Variants in KCMF1 observed in about 807,000 individuals in gnomAD.
The protein encoded by KCMF1 is potassium channel modulatory factor 1.
In KCMF1, 3 loss-of-function variants were observed where a neutral mutation model predicts 41.1. The observed-to-expected ratio is 0.07, with a 90% confidence interval of 0.03 to 0.19. KCMF1 has a LOEUF of 0.19. KCMF1 is among the 10% of genes least tolerant of loss of function. KCMF1 has a pLI of 1.00. For missense variants in KCMF1, 286 were observed against 488.9 expected, an observed-to-expected ratio of 0.58 and a Z score of 3.91; for synonymous variants, 142 against 164.5, an observed-to-expected ratio of 0.86 and a Z score of 1.04.
Position 85,028,073 on chromosome 2 carries a change from T to G in KCMF1, c.184+17T>G. On this transcript the variant is annotated intron_variant, in intron 2 of 6. Transcript: ENST00000409785. The stretch of plus-strand genomic sequence containing the variant: ...TAGATTTTGGTAAGTAATTAAAAAT[T>G]TAATGAATTACATCATTTAGAATTT... 6.6e-7 allele frequency: 1 copy of G among 1,511,724 alleles called. No homozygotes were observed. Among genetic ancestry groups the G allele is most frequent in the Non-Finnish European group, 9.0e-7 (1 of 1,108,278 alleles). The allele number at this position is 1,511,724 out of a possible 1,614,324, so 93.6% of individuals were successfully genotyped here.
At chr2:85,051,512 C>T (rs1045106757) in intron 6 of KCMF1, among the ~76,000 whole-genome samples, 1 of 152,054 alleles carries the variant, frequency 6.6e-6, no homozygotes, top group Non-Finnish European at 1.5e-5. Context: ...ACTCTCAGAG[C>T]ATGGTATGAG....
chr2:85,024,659 A>G (rs1675050465), intron 1 of KCMF1, among the ~76,000 whole-genome samples: 1 of 151,824 alleles, frequency 6.6e-6, no homozygotes, highest in Non-Finnish European at 1.5e-5. Flanking sequence ...TCTACTTTAG[A>G]CTCATAAAAA....
chr2:84,998,748 G>A (rs867052194), intron 1 of KCMF1, among the ~76,000 whole-genome samples: 11 of 150,814 alleles, frequency 7.3e-5, no homozygotes, highest in Admixed American at 2.0e-4. Flanking sequence ...GATTACAGGC[G>A]TGTACCACCC....
At position 84,971,315 on chromosome 2, in the gene KCMF1, C is replaced by A. The variant is rs1443681250; in HGVS notation, c.-137C>A. ...GCCGCCGCCGCCGCGGGAGCGCTCC[C>A]CTGCCCACCCCGCCCCCGCGGCCGA... On this transcript the variant is annotated 5_prime_UTR_variant, in exon 1 of 7. Transcript: ENST00000409785. 4 of 263,254 alleles carry A rather than the reference C, an allele frequency of 1.5e-5. No homozygotes were observed. The highest frequency in any genetic ancestry group is 2.4e-5 in the Non-Finnish European group (4 of 169,448). The allele number at this position is 263,254 out of a possible 1,614,324, so 16.3% of individuals were successfully genotyped here.
At position 85,055,433 on chromosome 2, in the gene KCMF1, G is replaced by C. The variant is rs931265433; in HGVS notation, c.*2024G>C. 1 of 152,064 alleles carries C rather than the reference G, an allele frequency of 6.6e-6. No homozygotes were observed. The highest frequency in any genetic ancestry group is 2.4e-5 in the African/African-American group (1 of 41,400). 9.4% of individuals were successfully genotyped at this position (152,064 alleles called of 1,614,324 possible). A position where few individuals can be genotyped will look rare whatever the true frequency, so the allele number is the denominator to read the frequency against. ...ACTTTCCCTTTTCTGCACAAATTCT[G>C]GGAAAATGTAAAAGCCTTCATTTTT... On this transcript the variant is annotated 3_prime_UTR_variant, in exon 7 of 7. Coordinates refer to ENST00000409785, the MANE Select transcript of KCMF1 (RefSeq NM_020122.5).
intron 6 of KCMF1, among the ~76,000 whole-genome samples, chr2:85,052,314 G>A (rs892546415): frequency 1.1e-4 from 16 of 152,016 alleles, no homozygotes; most frequent in Admixed American, 5.9e-4. Flanking sequence ...CAGGTGATCC[G>A]CCCGCCTTGG....
chr2:85,011,417 C>G (rs1674650295), intron 1 of KCMF1, among the ~76,000 whole-genome samples: 1 of 152,184 alleles, frequency 6.6e-6, no homozygotes, highest in Non-Finnish European at 1.5e-5. Flanking sequence ...CTTATTGTAT[C>G]ACTGCTTCTG....
At chr2:84,999,965 G>A (rs916653186) in intron 1 of KCMF1, among the ~76,000 whole-genome samples, 1 of 151,522 alleles carries the variant, frequency 6.6e-6, no homozygotes, top group Admixed American at 6.6e-5. Context: ...TAGGCAATGA[G>A]TAATAAAGGA....
At chr2:85,036,732 C>CA in intron 3 of KCMF1, among the ~76,000 whole-genome samples, 1 of 151,316 alleles carries the variant, frequency 6.6e-6, no homozygotes, top group East Asian at 1.9e-4. Context: ...GTTGAGGCTG[C>CA]AGTGAGCCAT....
At chr2:84,988,332 A>T (rs1401584329) in intron 1 of KCMF1, among the ~76,000 whole-genome samples, 3 of 152,208 alleles carry the variant, frequency 2.0e-5, no homozygotes, top group Non-Finnish European at 4.4e-5. Context: ...CATCTGCTAT[A>T]TTAATATTTA....
rs550686743 is a variant in KCMF1 at position 85,022,216 on chromosome 2, A to G, written c.17-5673A>G. Among the ~76,000 whole-genome samples the G allele has an allele frequency of 1.4e-4, 20 of 148,046 alleles. No homozygotes were observed. In the East Asian group the frequency reaches 1.8e-3, roughly 13 times the overall value. On this transcript the variant is annotated intron_variant, in intron 1 of 6. Coordinates refer to ENST00000409785, the MANE Select transcript of KCMF1 (RefSeq NM_020122.5). ...GCTGGTCTCGGTGGCTCATGCCTGT[A>G]ATCTCAGTGCTTTGGGAGGCTGACA...
At chr2:84,989,916 T>C (rs1404081858) in intron 1 of KCMF1, among the ~76,000 whole-genome samples, 1 of 152,160 alleles carries the variant, frequency 6.6e-6, no homozygotes, top group Non-Finnish European at 1.5e-5. Flanking sequence ...TGCTCAGTGA[T>C]GTTGAAAATA....
intron 1 of KCMF1, among the ~76,000 whole-genome samples, chr2:85,015,946 TATAATAA>T (rs1288558643): frequency 5.9e-5 from 9 of 152,214 alleles, no homozygotes; most frequent in Admixed American, 2.6e-4. Flanking sequence ...TATCTTGGCA[TATAATAA>T]ATAATAAATA....
chr2:84,977,328 G>A (rs1414924362), intron 1 of KCMF1, among the ~76,000 whole-genome samples: 11 of 152,222 alleles, frequency 7.2e-5, no homozygotes, highest in Admixed American at 6.5e-4. Context: ...CTATAGAAAT[G>A]TAAGTGGACT....
intron 1 of KCMF1, among the ~76,000 whole-genome samples, chr2:85,008,392 ATATAT>A (rs1321540346): frequency 8.1e-6 from 1 of 123,284 alleles, no homozygotes; most frequent in Admixed American, 8.9e-5. Flanking sequence ...TATATATGAT[ATATAT>A]TATATATCAT....
chr2:85,056,177 T>C lies in KCMF1; in HGVS notation c.*2768T>C, dbSNP rs374412770. 19 of 151,934 alleles carry C rather than the reference T, an allele frequency of 1.3e-4. No individual in the cohort carries two copies. Among genetic ancestry groups the C allele is most frequent in the African/African-American group, 4.6e-4 (19 of 41,394 alleles). 9.4% of individuals were successfully genotyped at this position (151,934 alleles called of 1,614,324 possible). A position where few individuals can be genotyped will look rare whatever the true frequency, so the allele number is the denominator to read the frequency against. ...CTACTAACAAAGTAGTGGATTCTTA[T>C]AATTAGGCTCAGGTAAAGTAAGAGA... On this transcript the variant is annotated 3_prime_UTR_variant, in exon 7 of 7. Transcript: ENST00000409785.
At chr2:85,008,289 A>C (rs13012101) in intron 1 of KCMF1, among the ~76,000 whole-genome samples, 1 of 49,652 alleles carries the variant, frequency 2.0e-5, no homozygotes, top group African/African-American at 9.5e-5. Context: ...TATGATATAT[A>C]ATATATATAA....
At chr2:85,024,129 T>C (rs1675023989) in intron 1 of KCMF1, among the ~76,000 whole-genome samples, 1 of 152,226 alleles carries the variant, frequency 6.6e-6, no homozygotes, top group African/African-American at 2.4e-5. Context: ...ATGTATGTTG[T>C]ACATATCGCC....
intron 1 of KCMF1, among the ~76,000 whole-genome samples, chr2:84,974,290 C>T (rs979358022): frequency 1.3e-5 from 2 of 152,240 alleles, no homozygotes; most frequent in Admixed American, 1.3e-4. Flanking sequence ...CTTGGTGCTT[C>T]CTTTTCAGGG....
Sources: allele counts gnomAD v4.1 joint callset (sites outside exome capture counted in the v4.1 genomes callset), GRCh38; gene constraint gnomAD v4.1.1; transcripts MANE v1.5; gene names NCBI Gene and HGNC (gene_info 2026-07-23, HGNC 2026-07-21).